CDK5RAP2: variants seen among roughly 807,000 people sequenced by gnomAD.
CDK5RAP2 encodes CDK5 regulatory subunit associated protein 2, also known as CDK5 regulatory subunit-associated protein 2.
A neutral mutation model predicts 232.9 loss-of-function variants in CDK5RAP2; 147 were observed. That is an observed-to-expected ratio of 0.63 (90% CI 0.55 to 0.72). CDK5RAP2 has a LOEUF of 0.72. Ranked by LOEUF, CDK5RAP2 falls within the 30% of genes least tolerant of loss-of-function variation. CDK5RAP2 has a pLI of 0.00. For synonymous variants in CDK5RAP2, 833 were observed against 833.7 expected (o/e 1.00, Z 0.01); for missense variants, 2,195 against 2,231.5 (o/e 0.98, Z 0.33).
At position 120,397,569 on chromosome 9, in the gene CDK5RAP2, AAAAG is replaced by A. The variant is rs1394886009; in HGVS notation, c.5452-2935_5452-2932del. Among the ~76,000 whole-genome samples, 17 of 139,018 alleles carry A rather than the reference AAAAG, an allele frequency of 1.2e-4. 1 individual carries two copies. Among genetic ancestry groups the A allele is most frequent in the African/African-American group, 4.0e-4 (14 of 34,848 alleles). The allele number at this position is 139,018 out of a possible 152,430, so 91.2% of individuals were successfully genotyped here. ...TAAAAAAAAAAAAAAAAAAAAAGAA[AAAAG>A]AAAAAAAAAAAAGCCCAACACAGTA... On this transcript the variant is annotated intron_variant, in intron 35 of 37. Coordinates refer to ENST00000349780, the MANE Select transcript of CDK5RAP2 (RefSeq NM_018249.6).
chr9:120,408,604 T>A (rs1287843656), intron 30 of CDK5RAP2, 136 bp from the exon 31 acceptor site: 2 of 933,168 alleles, frequency 2.1e-6, no homozygotes, highest in African/African-American at 3.2e-5. Flanking sequence ...TGGTTAAGAA[T>A]TCCATGTGCT....
chr9:120,526,395 T>C lies in CDK5RAP2; in HGVS notation c.1000-1317A>G, dbSNP rs1387712088. ...AGTGGCACCACCATACCTCTAGTCATGCAAGCCAGACACCTAGAAGTCTTC... is the reference window on the plus strand; with the variant it reads ...AGTGGCACCACCATACCTCTAGTCACGCAAGCCAGACACCTAGAAGTCTTC... On this transcript the variant is annotated intron_variant, in intron 10 of 37. Transcript: ENST00000349780. 2.0e-5 allele frequency among the ~76,000 whole-genome samples: 3 copies of C among 152,192 alleles called. No individual in the cohort carries two copies. The East Asian group carries it at 5.8e-4, about 29-fold the overall frequency.
chr9:120,477,289 ATGCGCG>A, intron 15 of CDK5RAP2, 55 bp downstream of exon 15: 1 of 1,159,262 alleles, frequency 8.6e-7, no homozygotes, highest in Non-Finnish European at 1.3e-6. Flanking sequence ...GTGTGCGTGT[ATGCGCG>A]TGCATGTGTG....
chr9:120,573,079 C>T (rs1344292040), intron 1 of CDK5RAP2, among the ~76,000 whole-genome samples: 1 of 152,178 alleles, frequency 6.6e-6, no homozygotes, highest in Non-Finnish European at 1.5e-5. Flanking sequence ...TTGATGGAAA[C>T]AGCTTGACTT....
In CDK5RAP2 at chr9:120,408,469, C is replaced by G. The variant is rs764765925; in HGVS notation, c.4605-1G>C. The G allele has an allele frequency of 6.2e-7, 1 of 1,614,136 alleles. No individual in the cohort carries two copies. The highest frequency in any genetic ancestry group is 2.2e-5 in the East Asian group (1 of 44,886). Reference sequence around the variant, plus strand: ...CCTCAACTTCACCTCCTCCTGCACCCTGAGAAGGCCCCACAGGCATGAGAA... The same window carrying G: ...CCTCAACTTCACCTCCTCCTGCACCGTGAGAAGGCCCCACAGGCATGAGAA... On this transcript the variant is annotated splice_acceptor_variant, in intron 30 of 37. Coordinates refer to ENST00000349780, the MANE Select transcript of CDK5RAP2 (RefSeq NM_018249.6). LOFTEE classifies it high-confidence loss of function.
chr9:120,500,066 T>C (rs918049424), intron 12 of CDK5RAP2, among the ~76,000 whole-genome samples: 1 of 152,356 alleles, frequency 6.6e-6, no homozygotes, highest in African/African-American at 2.4e-5. Flanking sequence ...AGAGCTGCTA[T>C]AATACGGAGC....
At chr9:120,507,925 AAAAAAAAAAAAAAAAAAATAT>A (rs1456735221) in intron 12 of CDK5RAP2, among the ~76,000 whole-genome samples, 1 of 67,926 alleles carries the variant, frequency 1.5e-5, no homozygotes, top group South Asian at 4.8e-4. Flanking sequence ...AAAAAAAAAA[AAAAAAAAAAAAAAAAAAATAT>A]ATATATATAT....
intron 27 of CDK5RAP2, among the ~76,000 whole-genome samples, chr9:120,418,586 T>A (rs776519467): frequency 6.6e-6 from 1 of 152,186 alleles, no homozygotes; most frequent in Non-Finnish European, 1.5e-5. Context: ...GGGAAACAAT[T>A]CGTGGTGTGA....
intron 11 of CDK5RAP2, among the ~76,000 whole-genome samples, chr9:120,520,300 C>T (rs189026377): frequency 6.6e-6 from 1 of 152,284 alleles, no homozygotes; most frequent in Admixed American, 6.5e-5. Flanking sequence ...AATCCCAACA[C>T]TTTGGGAGGA....
intron 28 of CDK5RAP2, among the ~76,000 whole-genome samples, chr9:120,414,296 C>T (rs910832926): frequency 6.6e-6 from 1 of 152,170 alleles, no homozygotes; most frequent in Non-Finnish European, 1.5e-5. Flanking sequence ...GCAGGGTCCA[C>T]ACTCCGGCCA....
chr9:120,500,716 T>C (rs1588498473), intron 12 of CDK5RAP2, among the ~76,000 whole-genome samples: 1 of 152,156 alleles, frequency 6.6e-6, no homozygotes, highest in African/African-American at 2.4e-5. Flanking sequence ...AAGCTCATTT[T>C]CCCCCTACAT....
intron 29 of CDK5RAP2, among the ~76,000 whole-genome samples, chr9:120,409,925 ACT>A (rs2033739201): frequency 6.6e-6 from 1 of 152,160 alleles, no homozygotes; most frequent in African/African-American, 2.4e-5. Flanking sequence ...GTGTGGATTC[ACT>A]GAGATGCCAT....
chr9:120,512,994 G>A (rs1347645131), intron 12 of CDK5RAP2, among the ~76,000 whole-genome samples: 1 of 152,122 alleles, frequency 6.6e-6, no homozygotes, highest in Non-Finnish European at 1.5e-5. Flanking sequence ...CCTGTATTTT[G>A]GACATTGTTC....
rs2039694034 is a variant in CDK5RAP2 at position 120,503,970 on chromosome 9, AT to A, written c.1312-12494del. Among the ~76,000 whole-genome samples, 8 of 152,230 alleles carry A rather than the reference AT, an allele frequency of 5.3e-5. No individual in the cohort carries two copies. In the South Asian group the frequency reaches 1.7e-3, roughly 32 times the overall value. ...GCCCTCAACACAGAGCACCTGGGAG[AT>A]GAAAAGCGAGGATTTGGTGCTTTTC... On this transcript the variant is annotated intron_variant, in intron 12 of 37. Transcript: ENST00000349780.
intron 23 of CDK5RAP2, among the ~76,000 whole-genome samples, chr9:120,441,609 CTCAGAAAGAAAT>C (rs1297676975): frequency 6.6e-6 from 1 of 152,188 alleles, no homozygotes; most frequent in Non-Finnish European, 1.5e-5. Context: ...TAGGAGATCT[CTCAGAAAGAAAT>C]TCACACACAA....
chr9:120,422,634 C>G, intron 26 of CDK5RAP2, 59 bp downstream of exon 26: 1 of 1,273,442 alleles, frequency 7.9e-7, no homozygotes, highest in Non-Finnish European at 1.2e-6. Context: ...TAAAAGCTGG[C>G]AGGTAAATCA....
At chr9:120,526,258 C>A (rs1214929269) in intron 10 of CDK5RAP2, among the ~76,000 whole-genome samples, 1 of 152,206 alleles carries the variant, frequency 6.6e-6, no homozygotes, top group Non-Finnish European at 1.5e-5. Context: ...GACATCTCAT[C>A]TGGATGGTCC....
chr9:120,501,125 C>T (rs912754304), intron 12 of CDK5RAP2, among the ~76,000 whole-genome samples: 10 of 152,212 alleles, frequency 6.6e-5, no homozygotes, highest in Admixed American at 6.5e-4. Context: ...TCAGCTAGAC[C>T]CCCCTGACCT....
At chr9:120,497,421 T>TAAAAAAAA (rs71385064) in intron 12 of CDK5RAP2, among the ~76,000 whole-genome samples, 29 of 23,294 alleles carry the variant, frequency 1.2e-3, no homozygotes, top group South Asian at 3.6e-3. Flanking sequence ...AAAATAAATT[T>TAAAAAAAA]AAAAAAAAAA....
Sources: allele counts gnomAD v4.1 joint callset (sites outside exome capture counted in the v4.1 genomes callset), GRCh38; gene constraint gnomAD v4.1.1; transcripts MANE v1.5; gene names NCBI Gene and HGNC (gene_info 2026-07-23, HGNC 2026-07-21).